CBX1: variants seen among roughly 807,000 people sequenced by gnomAD.
CBX1 encodes chromobox 1.
In CBX1, 10 loss-of-function variants were observed where a neutral mutation model predicts 25.1. That is an observed-to-expected ratio of 0.40 (90% confidence interval 0.25 to 0.68). CBX1 has a LOEUF of 0.68. Among genes scored for constraint, CBX1 ranks in the 30% least tolerant of loss-of-function variants. CBX1 has a pLI of 0.40. For synonymous variants in CBX1, 63 were observed against 79.4 expected (o/e 0.79, Z 1.10); for missense variants, 106 against 218.5 (o/e 0.49, Z 3.25).
intron 1 of CBX1, among the ~76,000 whole-genome samples, chr17:48,077,249 C>T (rs886711275): frequency 6.9e-6 from 1 of 145,650 alleles, no homozygotes; most frequent in Middle Eastern, 3.5e-3. Flanking sequence ...ATTAATCTTA[C>T]AGCAAACTTT....
At chr17:48,095,599 A>C (rs1280947602) in intron 1 of CBX1, 1 of 152,262 alleles carries the variant, frequency 6.6e-6, no homozygotes, top group Non-Finnish European at 1.5e-5. Context: ...CAGGGAATAG[A>C]ATTCCAAAGC....
intron 1 of CBX1, among the ~76,000 whole-genome samples, chr17:48,080,951 A>AAAAAATATATAT (rs1567765514): frequency 3.0e-5 from 1 of 33,276 alleles, no homozygotes; most frequent in Non-Finnish European, 5.3e-5. Context: ...AAAAAAAAAA[A>AAAAAATATATAT]ATATATATAT....
chr17:48,080,358 A>G (rs918925673), intron 1 of CBX1, among the ~76,000 whole-genome samples: 2 of 152,132 alleles, frequency 1.3e-5, no homozygotes, highest in Admixed American at 1.3e-4. Flanking sequence ...GACTTCTGAC[A>G]GACTTAAAGC....
chr17:48,077,575 C>G (rs1407331233), intron 1 of CBX1, among the ~76,000 whole-genome samples: 2 of 151,716 alleles, frequency 1.3e-5, no homozygotes, highest in East Asian at 3.9e-4. Flanking sequence ...CAGGCATGAG[C>G]CACCACGCCT....
chr17:48,088,764 A>G (rs1480470359), intron 1 of CBX1: 2 of 152,154 alleles, frequency 1.3e-5, no homozygotes, highest in Non-Finnish European at 2.9e-5. Context: ...ATTTTAGTAC[A>G]TGTGCTGCTT....
rs1380414882 is a variant in CBX1 at position 48,070,565 on chromosome 17, G to C, written c.*870C>G. The C allele has an allele frequency of 1.3e-5, 2 of 152,646 alleles. No individual in the cohort carries two copies. Among genetic ancestry groups the C allele is most frequent in the African/African-American group, 4.8e-5 (2 of 41,444 alleles). The allele number at this position is 152,646 out of a possible 1,614,324, so 9.5% of individuals were successfully genotyped here. A position where few individuals can be genotyped will look rare whatever the true frequency, so the allele number is the denominator to read the frequency against. On this transcript the variant is annotated 3_prime_UTR_variant, in exon 5 of 5. Coordinates refer to ENST00000225603, the MANE Select transcript of CBX1 (RefSeq NM_001127228.2). Reference sequence around the variant, plus strand: ...CTCAGCCAGTGGCTTGGATGAACAAGCTGATATTTATAACTTCGTTACTGG... The same window carrying C: ...CTCAGCCAGTGGCTTGGATGAACAACCTGATATTTATAACTTCGTTACTGG...
chr17:48,091,331 T>A (rs1567769050), intron 1 of CBX1, among the ~76,000 whole-genome samples: 1 of 152,160 alleles, frequency 6.6e-6, no homozygotes, highest in Non-Finnish European at 1.5e-5. Context: ...AGGTTGAAGA[T>A]CTAGTCAGTT....
intron 1 of CBX1, among the ~76,000 whole-genome samples, chr17:48,082,522 A>ACC (rs1567766144): frequency 3.5e-5 from 5 of 144,424 alleles, no homozygotes; most frequent in African/African-American, 1.3e-4. Flanking sequence ...AAAAAAAAAA[A>ACC]AAAGGAAAAA....
chr17:48,101,459 C>T lies in CBX1; in HGVS notation c.-229G>A, dbSNP rs2063409897. The T allele has an allele frequency of 1.0e-6, 1 of 985,670 alleles. No individual in the cohort carries two copies. The highest frequency in any genetic ancestry group is 1.2e-6 in the Non-Finnish European group (1 of 830,126). 61.1% of individuals were successfully genotyped at this position (985,670 alleles called of 1,614,324 possible). On this transcript the variant is annotated 5_prime_UTR_variant, in exon 1 of 5. Transcript: ENST00000225603. ...CAGCCGAACAAAAGAGCCTCGCAGTCTGCGCTGCCCGCCGCTCGCACCGCG... is the reference window on the plus strand; with the variant it reads ...CAGCCGAACAAAAGAGCCTCGCAGTTTGCGCTGCCCGCCGCTCGCACCGCG...
At chr17:48,072,312 G>T (rs1290935268) in intron 4 of CBX1, among the ~76,000 whole-genome samples, 2 of 151,694 alleles carry the variant, frequency 1.3e-5, no homozygotes, top group Admixed American at 1.3e-4. Context: ...CGCCCGGCCC[G>T]TAATAGGATT....
intron 1 of CBX1, among the ~76,000 whole-genome samples, chr17:48,093,752 G>T (rs1259887086): frequency 6.6e-6 from 1 of 152,166 alleles, no homozygotes; most frequent in Non-Finnish European, 1.5e-5. Context: ...TCCTGTCAAA[G>T]ACTATAACCT....
At chr17:48,077,449 TTTTTG>T (rs1229902047) in intron 1 of CBX1, among the ~76,000 whole-genome samples, 3 of 116,366 alleles carry the variant, frequency 2.6e-5, no homozygotes, top group East Asian at 3.2e-4. Context: ...TTTTTTGTTT[TTTTTG>T]TTTTTTTTTT....
chr17:48,076,230 A>C, intron 2 of CBX1, 52 bp from the exon 3 acceptor site: 1,120 of 1,333,164 alleles, frequency 8.4e-4, no homozygotes, highest in Non-Finnish European at 1.0e-3. Flanking sequence ...AAGTATACTC[A>C]TACTAAGGAT....
chr17:48,081,220 A>G (rs2037735216), intron 1 of CBX1, among the ~76,000 whole-genome samples: 1 of 150,622 alleles, frequency 6.6e-6, no homozygotes, highest in Non-Finnish European at 1.5e-5. Context: ...GCCAAAAAAT[A>G]AAACAGCACT....
intron 1 of CBX1, among the ~76,000 whole-genome samples, chr17:48,090,944 TTGAG>T (rs1447157450): frequency 6.6e-6 from 1 of 152,246 alleles, no homozygotes; most frequent in Non-Finnish European, 1.5e-5. Context: ...GTGAGCACTA[TTGAG>T]TGTGTGCACA....
chr17:48,097,028 T>A (rs1265981607), intron 1 of CBX1, among the ~76,000 whole-genome samples: 1 of 151,578 alleles, frequency 6.6e-6, no homozygotes, highest in East Asian at 1.9e-4. Context: ...GGAGGGTGGA[T>A]CACCTGAGGT....
Position 48,076,193 on chromosome 17 carries a change from C to T in CBX1, c.141-15G>A. 1.3e-6 allele frequency: 2 copies of T among 1,524,246 alleles called. No homozygotes were observed. Among genetic ancestry groups the T allele is most frequent in the Non-Finnish European group, 1.8e-6 (2 of 1,123,548 alleles). The allele number at this position is 1,524,246 out of a possible 1,614,324, so 94.4% of individuals were successfully genotyped here. Reference sequence around the variant, plus strand: ...TGTTGTCCTCACTGAAACCAGAGGGCACAGCAAGTCACACTTTCACTCAAA... The same window carrying T: ...TGTTGTCCTCACTGAAACCAGAGGGTACAGCAAGTCACACTTTCACTCAAA... On this transcript the variant is annotated splice_polypyrimidine_tract_variant and intron_variant, in intron 2 of 4. Coordinates refer to ENST00000225603, the MANE Select transcript of CBX1 (RefSeq NM_001127228.2).
rs909007056 is a variant in CBX1, at chr17:48,101,117, G to C, written c.-38+151C>G. 3.0e-6 allele frequency: 3 copies of C among 986,424 alleles called. No individual in the cohort carries two copies. The African/African-American group carries it at 5.2e-5, about 17-fold the overall frequency. 61.1% of individuals were successfully genotyped at this position (986,424 alleles called of 1,614,324 possible). On this transcript the variant is annotated intron_variant, in intron 1 of 4. Coordinates refer to ENST00000225603, the MANE Select transcript of CBX1 (RefSeq NM_001127228.2). ...GCCTCAGCGACAGGCGAAGAGCTCAGCGCGGGAAGCGGAGAAGCAGGACGC... is the reference window on the plus strand; with the variant it reads ...GCCTCAGCGACAGGCGAAGAGCTCACCGCGGGAAGCGGAGAAGCAGGACGC...
intron 4 of CBX1, among the ~76,000 whole-genome samples, chr17:48,071,876 A>T (rs2037627571): frequency 6.6e-6 from 1 of 150,558 alleles, no homozygotes; most frequent in South Asian, 2.1e-4. Context: ...GACTCTCTAG[A>T]TTCTCTGAGG....
Sources: gnomAD v4.1 joint callset for allele counts (sites outside exome capture counted in the v4.1 genomes callset) on GRCh38, gnomAD v4.1.1 for gene constraint, MANE v1.5 for transcripts, NCBI Gene and HGNC (gene_info 2026-07-23, HGNC 2026-07-21) for gene names.